The following PDLIM7 variants were observed in gnomAD, a reference collection of about 807,000 sequenced individuals.
PDLIM7 encodes the protein PDZ and LIM domain protein 7.
A neutral mutation model predicts 53.9 loss-of-function variants in PDLIM7; 37 were observed. The observed-to-expected ratio is 0.69, with a 90% confidence interval of 0.53 to 0.90. The LOEUF (loss-of-function observed/expected upper bound fraction) is 0.90. Ranked by LOEUF, PDLIM7 falls within the 40% of genes least tolerant of loss-of-function variation. PDLIM7 has a pLI of 0.00. For missense variants in PDLIM7, 617 were observed against 638.5 expected, an observed-to-expected ratio of 0.97 and a Z score of 0.36; for synonymous variants, 300 against 261.3, an observed-to-expected ratio of 1.15 and a Z score of -1.43.
chr5:177,488,291 G>C (rs1423432805), intron 9 of PDLIM7, 43 bp from the exon 10 acceptor site: 1 of 1,527,450 alleles, frequency 6.5e-7, no homozygotes, highest in Non-Finnish European at 8.8e-7. Flanking sequence ...CACGCAGAGA[G>C]GTGGGGGTCT....
chr5:177,491,661 C>A, intron 5 of PDLIM7, 146 bp downstream of exon 5: 2 of 613,010 alleles, frequency 3.3e-6, no homozygotes, highest in Non-Finnish European at 5.5e-6. Flanking sequence ...GGCCCTGTGC[C>A]TGCAGCCCCA....
Position 177,490,394 on chromosome 5 carries a change from G to A in PDLIM7, c.572+476C>T, listed in dbSNP as rs371419895. 78 of 1,484,026 alleles carry A rather than the reference G, an allele frequency of 5.3e-5. 1 individual carries two copies. Among genetic ancestry groups the A allele is most frequent in the Middle Eastern group, 2.4e-4 (1 of 4,110 alleles). 91.9% of individuals were successfully genotyped at this position (1,484,026 alleles called of 1,614,324 possible). On this transcript the variant is annotated intron_variant, in intron 7 of 12. Coordinates refer to ENST00000355841, the MANE Select transcript of PDLIM7 (RefSeq NM_005451.5). The stretch of plus-strand genomic sequence containing the variant: ...GGAGGCTCAGGCCAGGGGCACGAAA[G>A]GGGGGGTGAGGTAGGCAGAAGCTGG...
chr5:177,490,682 G>A, intron 7 of PDLIM7, 188 bp downstream of exon 7: 7 of 920,488 alleles, frequency 7.6e-6, no homozygotes, highest in Admixed American at 4.3e-5. Context: ...AGGAGGGAGG[G>A]AAGAAATGAA....
At chr5:177,491,342 G>A in intron 5 of PDLIM7, 196 bp from the exon 6 acceptor site, 1 of 1,541,558 alleles carries the variant, frequency 6.5e-7, no homozygotes. Context: ...GGGTGGGGAG[G>A]GGCCGCCACC....
At chr5:177,490,952 G>A (rs1428386513) in intron 6 of PDLIM7, 46 bp from the exon 7 acceptor site, 3 of 1,614,124 alleles carry the variant, frequency 1.9e-6, no homozygotes. Flanking sequence ...CACAGGGTCA[G>A]GGATCACGCC....
At chr5:177,488,365 C>A in intron 9 of PDLIM7, 117 bp from the exon 10 acceptor site, 1 of 771,252 alleles carries the variant, frequency 1.3e-6, no homozygotes, top group Non-Finnish European at 2.0e-6. Flanking sequence ...TCATTCTCCC[C>A]ATTTTCCACA....
At chr5:177,491,366 GGAA>G in intron 5 of PDLIM7, 4 of 1,552,036 alleles carry the variant, frequency 2.6e-6, no homozygotes, top group Non-Finnish European at 1.7e-6. Flanking sequence ...AGTGCCAAAA[GGAA>G]GAAGAAAGGC....
intron 2 of PDLIM7, 96 bp downstream of exon 2, chr5:177,496,321 C>T (rs896835979): frequency 6.6e-6 from 6 of 905,588 alleles, no homozygotes; most frequent in South Asian, 5.8e-5. Flanking sequence ...CCTGCTGGCC[C>T]CTGACCAGCT....
At chr5:177,493,192 G>C (rs1459317353) in intron 2 of PDLIM7, among the ~76,000 whole-genome samples, 1 of 152,196 alleles carries the variant, frequency 6.6e-6, no homozygotes, top group Non-Finnish European at 1.5e-5. Flanking sequence ...CCAGCACCCT[G>C]TCGGGGGCCA....
At chr5:177,492,486 C>A in intron 3 of PDLIM7, 40 bp downstream of exon 3, 1 of 1,613,652 alleles carries the variant, frequency 6.2e-7, no homozygotes, top group Non-Finnish European at 8.5e-7. Context: ...GGGATCCCCA[C>A]TGCCAGCGCG....
At chr5:177,494,564 T>C (rs1252730173) in intron 2 of PDLIM7, among the ~76,000 whole-genome samples, 2 of 18,314 alleles carry the variant, frequency 1.1e-4, no homozygotes, top group Non-Finnish European at 2.3e-4. Context: ...GGAGAGGGGG[T>C]GGGGGGCGGG....
At chr5:177,486,025 C>T (rs1180688490) in intron 10 of PDLIM7, among the ~76,000 whole-genome samples, 2 of 152,136 alleles carry the variant, frequency 1.3e-5, no homozygotes, top group African/African-American at 4.8e-5. Context: ...CTCACTTTCC[C>T]TCTGCCTCCC....
intron 10 of PDLIM7, 73 bp from the exon 11 acceptor site, chr5:177,484,263 G>A (rs190247645): frequency 1.5e-4 from 232 of 1,575,810 alleles, no homozygotes; most frequent in Middle Eastern, 4.4e-4. Context: ...GAACACAGGA[G>A]GGCTGGCCGC....
At chr5:177,494,052 G>A (rs1000129710) in intron 2 of PDLIM7, among the ~76,000 whole-genome samples, 1 of 152,200 alleles carries the variant, frequency 6.6e-6, no homozygotes. Flanking sequence ...GAGCTCGGCG[G>A]CCCCTTCCTC....
At position 177,491,902 on chromosome 5, in the gene PDLIM7, A is replaced by AGGGTCCGCGGC. The variant is rs1758811884; in HGVS notation, c.292_302dup (p.Tyr104ThrfsTer49). 1 of 992,874 alleles carries AGGGTCCGCGGC rather than the reference A, an allele frequency of 1.0e-6. No homozygotes were observed. Among genetic ancestry groups the AGGGTCCGCGGC allele is most frequent in the Non-Finnish European group, 1.2e-6 (1 of 841,380 alleles). The allele number at this position is 992,874 out of a possible 1,614,324, so 61.5% of individuals were successfully genotyped here. ...CGCTGGGTGCAAAGGTGTACCGCGG[A>AGGGTCCGCGGC]GGGTCCGCGGCGGGGGCGGAGGCCT... On this transcript the variant is annotated frameshift_variant, in exon 5 of 13. Transcript: ENST00000355841. LOFTEE classifies it high-confidence loss of function.
chr5:177,497,297 C>A (rs1203468546), intron 1 of PDLIM7, among the ~76,000 whole-genome samples: 1 of 152,116 alleles, frequency 6.6e-6, no homozygotes, highest in Non-Finnish European at 1.5e-5. Context: ...GTCCCCCGCC[C>A]GGGCCCCATG....
At chr5:177,484,313 G>T in intron 10 of PDLIM7, 123 bp from the exon 11 acceptor site, 4 of 1,203,378 alleles carry the variant, frequency 3.3e-6, no homozygotes, top group Non-Finnish European at 3.5e-6. Flanking sequence ...ACATCTAACT[G>T]TTCAGGACTC....
chr5:177,492,462 G>C (rs753679764), intron 3 of PDLIM7, 27 bp from the exon 4 acceptor site: 3 of 1,613,642 alleles, frequency 1.9e-6, no homozygotes, highest in Non-Finnish European at 2.5e-6. Flanking sequence ...GCGTGACAGC[G>C]GGCCGGGCCC....
chr5:177,496,332 C>A, intron 2 of PDLIM7, 85 bp downstream of exon 2: 1 of 1,021,862 alleles, frequency 9.8e-7, no homozygotes, highest in Non-Finnish European at 1.4e-6. Context: ...CTGACCAGCT[C>A]CTGTTAGGAC....
Sources: allele counts gnomAD v4.1 joint callset (sites outside exome capture counted in the v4.1 genomes callset), GRCh38; gene constraint gnomAD v4.1.1; transcripts MANE v1.5; gene names NCBI Gene and HGNC (gene_info 2026-07-23, HGNC 2026-07-21).